SUMF1: variants seen among roughly 807,000 people sequenced by gnomAD.
The protein encoded by SUMF1 is formylglycine-generating enzyme.
A neutral mutation model predicts 47.6 loss-of-function variants in SUMF1; 48 were observed. The observed-to-expected ratio is 1.01, with a 90% CI of 0.80 to 1.28. SUMF1 has a LOEUF of 1.28. SUMF1 is among the 50% of genes most tolerant of loss of function. The probability of loss-of-function intolerance (pLI) is 0.00; values close to 1 mark genes in which losing one functional copy is unlikely to be tolerated. For synonymous variants in SUMF1, 230 were observed against 192.1 expected (o/e 1.20, Z -1.63); for missense variants, 571 against 485.4 (o/e 1.18, Z -1.66).
chr3:4,079,620 T>C (rs17039791), intron 8 of SUMF1, among the ~76,000 whole-genome samples: 7,182 of 151,444 alleles, frequency 0.047, 495 homozygotes, highest in East Asian at 0.19. Context: ...ATGAGGCTGA[T>C]GAAATCTACC....
At chr3:4,101,391 C>G (rs1693029327) in intron 8 of SUMF1, among the ~76,000 whole-genome samples, 1 of 152,006 alleles carries the variant, frequency 6.6e-6, no homozygotes, top group South Asian at 2.1e-4. Flanking sequence ...TAAAATAAGT[C>G]AGGCACAGAG....
At chr3:4,164,459 C>T (rs192188375) in intron 8 of SUMF1, among the ~76,000 whole-genome samples, 1 of 152,308 alleles carries the variant, frequency 6.6e-6, no homozygotes, top group Admixed American at 6.5e-5. Context: ...CCCTCTGGGG[C>T]AGTGCGCCTT....
intron 8 of SUMF1, chr3:4,303,328 G>A (rs1698022109): frequency 1.3e-6 from 2 of 1,499,008 alleles, no homozygotes; most frequent in Non-Finnish European, 8.8e-7. Flanking sequence ...CCACCGCGCG[G>A]CCCAGGACTG....
chr3:4,340,549 T>C (rs958090950), intron 8 of SUMF1, among the ~76,000 whole-genome samples: 1 of 152,130 alleles, frequency 6.6e-6, no homozygotes. Flanking sequence ...GCGATGGGGG[T>C]GCAAAGGGAT....
chr3:4,348,861 G>A (rs1161632718), intron 8 of SUMF1, among the ~76,000 whole-genome samples: 33 of 152,162 alleles, frequency 2.2e-4, no homozygotes, highest in Admixed American at 2.2e-3. Flanking sequence ...GGCAACAAGA[G>A]CGAAGCGCCG....
intron 9 of SUMF1, among the ~76,000 whole-genome samples, chr3:4,046,788 T>TGTGATCCATGTTAGGAATTTAAAAGG (rs1559424815): frequency 6.6e-6 from 1 of 152,192 alleles, no homozygotes; most frequent in Admixed American, 6.6e-5. Flanking sequence ...TCTGTTTCTA[T>TGTGATCCATGTTAGGAATTTAAAAGG]TCTCATCCTC....
chr3:4,045,727 G>C (rs528851924), intron 9 of SUMF1, among the ~76,000 whole-genome samples: 1 of 152,122 alleles, frequency 6.6e-6, no homozygotes, highest in Non-Finnish European at 1.5e-5. Context: ...CAGTTTGGAA[G>C]ACTGAGAGAA....
chr3:4,374,243 G>C (rs538239946), intron 8 of SUMF1, among the ~76,000 whole-genome samples: 1 of 152,078 alleles, frequency 6.6e-6, no homozygotes, highest in Non-Finnish European at 1.5e-5. Flanking sequence ...AAGAACTGTC[G>C]ATATTCACAG....
At chr3:4,276,666 A>G (rs546955199) in intron 8 of SUMF1, among the ~76,000 whole-genome samples, 1 of 152,272 alleles carries the variant, frequency 6.6e-6, no homozygotes, top group African/African-American at 2.4e-5. Flanking sequence ...ATTGTGCCAT[A>G]TCATAAATTT....
intron 7 of SUMF1, among the ~76,000 whole-genome samples, chr3:4,404,350 A>T (rs1353208331): frequency 6.6e-6 from 1 of 152,214 alleles, no homozygotes; most frequent in Non-Finnish European, 1.5e-5. Context: ...TAGCTGTATT[A>T]AATTTATTAT....
At chr3:4,316,662 C>A in intron 8 of SUMF1, 1 of 1,551,142 alleles carries the variant, frequency 6.4e-7, no homozygotes, top group Non-Finnish European at 8.7e-7. Context: ...ATTTCTCGAT[C>A]GGATTGTGAC....
In SUMF1 at chr3:4,110,610, T is replaced by C. The variant is rs146452732; in HGVS notation, c.1015-41865A>G. Among the ~76,000 whole-genome samples, 460 of 151,916 alleles carry C rather than the reference T, an allele frequency of 3.0e-3. 1 individual carries two copies. Among genetic ancestry groups the C allele is most frequent in the Non-Finnish European group, 5.4e-3 (366 of 67,980 alleles). The stretch of plus-strand genomic sequence containing the variant: ...AACCAACCCAAATGTCCAACAGTGA[T>C]AGACTGGATTAAGAAAATGTGGCAC... On this transcript the variant is annotated intron_variant and NMD_transcript_variant, in intron 8 of 12. Coordinates refer to the SUMF1 transcript ENST00000448413.
rs1452220403 is a variant in SUMF1 at position 4,362,766 on chromosome 3, T to C, written c.1015-512A>G. The stretch of plus-strand genomic sequence containing the variant: ...GCAAGATCCCATCTCTACAAAAAAT[T>C]AGCTGAGCATGGTGGTGTGCACTTG... On this transcript the variant is annotated intron_variant, in intron 8 of 8. Transcript: ENST00000272902. Among the ~76,000 whole-genome samples, 3 of 152,024 alleles carry C rather than the reference T, an allele frequency of 2.0e-5. No homozygotes were observed. In the East Asian group the frequency reaches 5.8e-4, roughly 29 times the overall value.
intron 8 of SUMF1, among the ~76,000 whole-genome samples, chr3:4,254,900 A>C (rs1249664184): frequency 1.3e-5 from 2 of 152,208 alleles, no homozygotes; most frequent in Non-Finnish European, 2.9e-5. Context: ...AGCCCATCAG[A>C]CTTACAGCGG....
chr3:4,350,175 A>AT (rs912813066), intron 8 of SUMF1, among the ~76,000 whole-genome samples: 14 of 150,920 alleles, frequency 9.3e-5, no homozygotes, highest in Admixed American at 5.3e-4. Context: ...TAATTTTTGT[A>AT]TTTTTTTTAG....
intron 9 of SUMF1, among the ~76,000 whole-genome samples, chr3:4,051,566 T>C (rs1695110710): frequency 6.6e-6 from 1 of 152,194 alleles, no homozygotes; most frequent in Admixed American, 6.6e-5. Flanking sequence ...ATGTTAAAGT[T>C]GTAACGTTTC....
intron 8 of SUMF1, chr3:4,317,067 G>T (rs980707405): frequency 3.2e-6 from 5 of 1,549,190 alleles, no homozygotes; most frequent in Non-Finnish European, 4.4e-6. Context: ...CAACTACCAC[G>T]TCTTTAAGCA....
At chr3:4,128,694 ATAAAT>A (rs1476594830) in intron 8 of SUMF1, among the ~76,000 whole-genome samples, 1 of 152,200 alleles carries the variant, frequency 6.6e-6, no homozygotes, top group Non-Finnish European at 1.5e-5. Context: ...TTGAGTTTAT[ATAAAT>A]TAGAGTTTAT....
At chr3:4,213,282 T>G (rs756041333) in intron 8 of SUMF1, among the ~76,000 whole-genome samples, 1 of 152,172 alleles carries the variant, frequency 6.6e-6, no homozygotes. Context: ...AAAAGAATTT[T>G]CAACCGAGAA....
Sources: allele counts gnomAD v4.1 joint callset (sites outside exome capture counted in the v4.1 genomes callset), GRCh38; gene constraint gnomAD v4.1.1; transcripts MANE v1.5; gene names NCBI Gene and HGNC (gene_info 2026-07-23, HGNC 2026-07-21).